Variants in PAK3 observed in about 807,000 individuals in gnomAD.
PAK3 encodes the protein serine/threonine-protein kinase PAK 3.
PAK3 carries 4 observed loss-of-function variants against 41.0 expected under a neutral mutation model. That is an observed-to-expected ratio of 0.10 (90% CI 0.05 to 0.22). The LOEUF (loss-of-function observed/expected upper bound fraction) is 0.22, where lower values mean the gene tolerates loss of function less well. Ranked by LOEUF, PAK3 falls within the 10% of genes least tolerant of loss-of-function variation. The pLI, the probability that PAK3 is intolerant of heterozygous loss-of-function variation, is 1.00. For synonymous variants in PAK3, 146 were observed against 139.6 expected, an observed-to-expected ratio of 1.05 and a Z score of -0.32; for missense variants, 205 against 409.9, an observed-to-expected ratio of 0.50 and a Z score of 4.32.
chrX:111,164,590 T>G (rs1218605746), intron 10 of PAK3, among the ~76,000 whole-genome samples: 1 of 111,530 alleles, frequency 9.0e-6, no homozygotes, highest in East Asian at 2.8e-4. Context: ...GACTGTGAGA[T>G]TCTCAAGAGC....
chrX:111,077,868 C>A (rs759495190), intron 1 of PAK3, among the ~76,000 whole-genome samples: 4 of 111,442 alleles, frequency 3.6e-5, no homozygotes, highest in African/African-American at 1.3e-4. Flanking sequence ...TGACGAGACA[C>A]CCTATGGAAC....
intron 1 of PAK3, among the ~76,000 whole-genome samples, chrX:110,983,264 T>C (rs2091478932): frequency 1.8e-5 from 2 of 111,509 alleles, no homozygotes; most frequent in African/African-American, 3.3e-5. Flanking sequence ...CTTGGCTCGT[T>C]TTCTCAGCTC....
At chrX:111,114,355 G>A (rs2093426434) in intron 4 of PAK3, among the ~76,000 whole-genome samples, 2 of 111,859 alleles carry the variant, frequency 1.8e-5, no homozygotes, top group Non-Finnish European at 3.8e-5. Flanking sequence ...AATATTTGTG[G>A]TTCAAGTAAA....
rs767594459 is a variant in PAK3 at position 111,127,430 on chromosome X, G to A, written c.175+4152G>A. Among the ~76,000 whole-genome samples, 5 of 109,496 alleles carry A rather than the reference G, an allele frequency of 4.6e-5. No individual in the cohort carries two copies. In the East Asian group the frequency reaches 1.4e-3, roughly 31 times the overall value. On this transcript the variant is annotated intron_variant, in intron 5 of 17. Transcript: ENST00000372007. ...TTTCATTGACTAAGTGGAACTTCAA[G>A]AGACAGGTAGAAGAAAAAAAAAAAG...
intron 1 of PAK3, among the ~76,000 whole-genome samples, chrX:111,071,549 T>C (rs1462452676): frequency 1.8e-5 from 2 of 112,030 alleles, no homozygotes; most frequent in Non-Finnish European, 3.8e-5. Context: ...TCTCTATATT[T>C]CAGAGTTGCT....
intron 1 of PAK3, among the ~76,000 whole-genome samples, chrX:111,051,709 G>A (rs923566886): frequency 1.8e-5 from 2 of 110,805 alleles, no homozygotes; most frequent in Non-Finnish European, 1.9e-5. Flanking sequence ...GTGTGTGTGT[G>A]TGTGTGTGTG....
At chrX:111,042,132 C>T (rs916441586) in intron 1 of PAK3, among the ~76,000 whole-genome samples, 4 of 111,671 alleles carry the variant, frequency 3.6e-5, no homozygotes, top group African/African-American at 9.8e-5. Flanking sequence ...GGGTTTAACC[C>T]GGTGCCTGGT....
At chrX:111,130,594 T>C (rs1340234255) in intron 5 of PAK3, among the ~76,000 whole-genome samples, 1 of 111,759 alleles carries the variant, frequency 8.9e-6, no homozygotes, top group East Asian at 2.8e-4. Context: ...CCTTCCACCA[T>C]GGGCCTTCCC....
At chrX:111,007,975 T>A (rs1179877799) in intron 1 of PAK3, among the ~76,000 whole-genome samples, 1 of 111,962 alleles carries the variant, frequency 8.9e-6, no homozygotes, top group African/African-American at 3.3e-5. Flanking sequence ...TTACTTAACA[T>A]CTCTGAGCTT....
intron 1 of PAK3, among the ~76,000 whole-genome samples, chrX:111,057,004 C>T (rs1160078401): frequency 9.0e-6 from 1 of 111,430 alleles, no homozygotes; most frequent in Non-Finnish European, 1.9e-5. Context: ...TTCCTCAATC[C>T]TTTGCATGCA....
intron 1 of PAK3, among the ~76,000 whole-genome samples, chrX:110,961,688 C>A (rs2090981349): frequency 8.9e-6 from 1 of 112,025 alleles, no homozygotes; most frequent in Non-Finnish European, 1.9e-5. Flanking sequence ...CTCTTCTTCC[C>A]TTCACAGCTA....
At chrX:111,006,721 C>T (rs189386732) in intron 1 of PAK3, among the ~76,000 whole-genome samples, 150 of 111,288 alleles carry the variant, frequency 1.3e-3, no homozygotes, top group African/African-American at 4.8e-3. Flanking sequence ...GTTTCTTCCA[C>T]TTTAATGCTC....
At chrX:111,023,760 TG>T (rs1227752836) in intron 1 of PAK3, among the ~76,000 whole-genome samples, 2 of 112,116 alleles carry the variant, frequency 1.8e-5, no homozygotes, top group East Asian at 5.6e-4. Context: ...TTCTTGTAAA[TG>T]TGTTTAAATT....
chrX:111,021,811 A>G (rs2092187825), intron 1 of PAK3, among the ~76,000 whole-genome samples: 1 of 109,981 alleles, frequency 9.1e-6, no homozygotes, highest in African/African-American at 3.3e-5. Context: ...TCTTCAGTGA[A>G]GTAGATAGCA....
At chrX:110,997,169 G>A (rs986577388) in intron 1 of PAK3, among the ~76,000 whole-genome samples, 3 of 110,976 alleles carry the variant, frequency 2.7e-5, no homozygotes, top group Non-Finnish European at 5.7e-5. Context: ...GGGGAAGAGT[G>A]GTAGGTGATA....
chrX:111,049,933 T>A (rs2092540245), intron 1 of PAK3, among the ~76,000 whole-genome samples: 1 of 111,213 alleles, frequency 9.0e-6, no homozygotes, highest in South Asian at 3.8e-4. Flanking sequence ...CAGTGTGAGT[T>A]TAGAATTCTA....
rs776213894 is a variant in PAK3, at chrX:110,993,860, C to T, written c.-28+49232C>T. The stretch of plus-strand genomic sequence containing the variant: ...AAATTTCCTCTGTAATTCTGTGCAC[C>T]GACACTGTACTAGATAACTATGGTT... On this transcript the variant is annotated intron_variant, in intron 1 of 14. Transcript: ENST00000425146. Among the ~76,000 whole-genome samples, 31 of 111,004 alleles carry T rather than the reference C, an allele frequency of 2.8e-4. 1 individual carries two copies. The South Asian group carries it at 9.6e-3, about 34-fold the overall frequency.
intron 16 of PAK3, among the ~76,000 whole-genome samples, chrX:111,207,098 GTATA>G (rs1556312650): frequency 5.8e-5 from 6 of 103,094 alleles, no homozygotes; most frequent in African/African-American, 2.1e-4. Flanking sequence ...GTGTGTGTGT[GTATA>G]TATATATACA....
intron 11 of PAK3, among the ~76,000 whole-genome samples, chrX:111,178,980 T>TAGAGAGAGAGAG (rs1556239020): frequency 2.2e-5 from 2 of 91,599 alleles, no homozygotes; most frequent in African/African-American, 8.0e-5. Context: ...TATATATATA[T>TAGAGAGAGAGAG]AGAGAGAGAG....
Sources: gnomAD v4.1 joint callset for allele counts (sites outside exome capture counted in the v4.1 genomes callset) on GRCh38, gnomAD v4.1.1 for gene constraint, MANE v1.5 for transcripts, NCBI Gene and HGNC (gene_info 2026-07-23, HGNC 2026-07-21) for gene names.